Variants in PPIL2 observed in about 807,000 individuals in gnomAD.
PPIL2 encodes the protein peptidylprolyl isomerase like 2.
Under a neutral mutation model 75.2 loss-of-function variants are expected in PPIL2, and 50 were observed. The observed-to-expected ratio is 0.66, with a 90% CI of 0.53 to 0.84. The LOEUF (loss-of-function observed/expected upper bound fraction) is 0.84. PPIL2 is among the 40% of genes least tolerant of loss of function. The pLI is 0.00. For missense variants in PPIL2, 590 were observed against 685.0 expected, an observed-to-expected ratio of 0.86 and a Z score of 1.55; for synonymous variants, 245 against 258.8, an observed-to-expected ratio of 0.95 and a Z score of 0.51.
At chr22:21,693,775 A>C in intron 15 of PPIL2, 41 bp from the exon 16 acceptor site, 1 of 1,520,064 alleles carries the variant, frequency 6.6e-7, no homozygotes, top group Non-Finnish European at 9.1e-7. Flanking sequence ...CAGGTGCAGA[A>C]GGTGCCATGC....
Position 21,695,605 on chromosome 22 carries a change from C to A in PPIL2, c.*115C>A. On this transcript the variant is annotated 3_prime_UTR_variant, in exon 20 of 20. Transcript: ENST00000398831. ...CTGCTGCCAGCCAATAAATTGCTTGCCTGCTGCCTGCATCCCCTTTCCTGG... is the reference window on the plus strand; with the variant it reads ...CTGCTGCCAGCCAATAAATTGCTTGACTGCTGCCTGCATCCCCTTTCCTGG... The A allele has an allele frequency of 6.6e-7, 1 of 1,506,574 alleles. No individual in the cohort carries two copies. The highest frequency in any genetic ancestry group is 8.9e-7 in the Non-Finnish European group (1 of 1,124,568). 93.3% of individuals were successfully genotyped at this position (1,506,574 alleles called of 1,614,324 possible).
At chr22:21,689,830 A>C (rs970298095) in intron 15 of PPIL2, among the ~76,000 whole-genome samples, 1 of 152,160 alleles carries the variant, frequency 6.6e-6, no homozygotes, top group African/African-American at 2.4e-5. Flanking sequence ...GTTAGCATCT[A>C]CTATGATGAT....
chr22:21,696,574 C>G lies in PPIL2; in HGVS notation c.*1084C>G. On this transcript the variant is annotated 3_prime_UTR_variant, in exon 20 of 20. Transcript: ENST00000398831. ...GCTGGCTTTTTCTTCGTCTTCAGCC[C>G]AGGCCAGTGGTCAGTGTTCTCATGT... 1.4e-6 allele frequency: 2 copies of G among 1,418,980 alleles called. No individual in the cohort carries two copies. Among genetic ancestry groups the G allele is most frequent in the Non-Finnish European group, 1.8e-6 (2 of 1,087,986 alleles). The allele number at this position is 1,418,980 out of a possible 1,614,324, so 87.9% of individuals were successfully genotyped here. A position where few individuals can be genotyped will look rare whatever the true frequency, so the allele number is the denominator to read the frequency against.
intron 1 of PPIL2, among the ~76,000 whole-genome samples, chr22:21,666,378 G>T (rs1413453212): frequency 2.0e-5 from 3 of 152,158 alleles, no homozygotes; most frequent in African/African-American, 7.2e-5. Flanking sequence ...TCCTTACTCT[G>T]GTTCTGCCCG....
chr22:21,687,117 C>A, intron 12 of PPIL2, 119 bp downstream of exon 12: 2 of 982,106 alleles, frequency 2.0e-6, no homozygotes, highest in Non-Finnish European at 3.1e-6. Context: ...TTCAGCCTGT[C>A]ACTAGGCGGG....
chr22:21,676,243 AGTGT>A (rs36131221), intron 6 of PPIL2, among the ~76,000 whole-genome samples: 5,489 of 130,484 alleles, frequency 0.042, 265 homozygotes, highest in African/African-American at 0.13. Context: ...TGTGATCAGC[AGTGT>A]GTGTGTGTGT....
At chr22:21,684,715 G>C (rs767649360) in intron 9 of PPIL2, 38 bp from the exon 10 acceptor site, 3 of 1,607,170 alleles carry the variant, frequency 1.9e-6, no homozygotes, top group African/African-American at 2.7e-5. Flanking sequence ...GAGGCTACTG[G>C]GGGCTCGGCG....
At chr22:21,687,550 C>CAA (rs36108489) in intron 12 of PPIL2, 93 bp from the exon 13 acceptor site, 9,629 of 303,314 alleles carry the variant, frequency 0.032, 67 homozygotes, top group South Asian at 0.046. Context: ...GACTCCACCT[C>CAA]AAAAAAAAAA....
At chr22:21,674,574 G>A (rs561937036) in intron 5 of PPIL2, among the ~76,000 whole-genome samples, 1 of 152,232 alleles carries the variant, frequency 6.6e-6, no homozygotes, top group East Asian at 1.9e-4. Context: ...GGTGGCGTGT[G>A]TCTGTAGTCC....
chr22:21,682,554 G>C lies in PPIL2; in HGVS notation c.477+28G>C, dbSNP rs1447185539. The C allele has an allele frequency of 1.9e-6, 3 of 1,587,246 alleles. No individual in the cohort carries two copies. In the East Asian group the frequency reaches 6.7e-5, roughly 36 times the overall value. On this transcript the variant is annotated intron_variant, in intron 8 of 19. Coordinates refer to ENST00000398831, the MANE Select transcript of PPIL2 (RefSeq NM_014337.4). ...GAGTGTCCCCTGCCTGCCTGCCCCAGCTGCCTTCAGCACCTGCAGCCAGCC... is the reference window on the plus strand; with the variant it reads ...GAGTGTCCCCTGCCTGCCTGCCCCACCTGCCTTCAGCACCTGCAGCCAGCC...
rs558080959 is a variant in PPIL2, at chr22:21,680,090, C to CA, written c.296-1194dup. 7.6e-3 allele frequency among the ~76,000 whole-genome samples: 937 copies of CA among 122,926 alleles called. 3 individuals carry two copies. The highest frequency in any genetic ancestry group is 0.017 in the African/African-American group (574 of 33,118). The allele number at this position is 122,926 out of a possible 152,430, so 80.6% of individuals were successfully genotyped here. On this transcript the variant is annotated intron_variant, in intron 6 of 19. Coordinates refer to ENST00000398831, the MANE Select transcript of PPIL2 (RefSeq NM_014337.4). ...CCTGGGCAACGGCAAGACTCTGTCTCAAAAAAAAAAAAAAAGAAAAAGTCC... is the reference window on the plus strand; with the variant it reads ...CCTGGGCAACGGCAAGACTCTGTCTCAAAAAAAAAAAAAAAAGAAAAAGTCC...
intron 6 of PPIL2, among the ~76,000 whole-genome samples, chr22:21,679,797 T>C (rs2067028726): frequency 6.6e-6 from 1 of 151,364 alleles, no homozygotes; most frequent in African/African-American, 2.4e-5. Flanking sequence ...TAAGAAAAAG[T>C]CCCCACAAGG....
intron 5 of PPIL2, 108 bp from the exon 6 acceptor site, chr22:21,674,956 C>T (rs576754277): frequency 2.0e-6 from 2 of 989,230 alleles, no homozygotes; most frequent in African/African-American, 1.6e-5. Flanking sequence ...TCCAGAGCTG[C>T]ACAGGGTTGG....
intron 13 of PPIL2, 95 bp from the exon 14 acceptor site, chr22:21,687,978 T>A (rs1336428307): frequency 6.7e-7 from 1 of 1,499,164 alleles, no homozygotes; most frequent in Non-Finnish European, 9.3e-7. Flanking sequence ...AGCCCCTGTG[T>A]GGAGCCATCT....
Position 21,695,727 on chromosome 22 carries a change from C to A in PPIL2, c.*237C>A. The A allele has an allele frequency of 7.5e-7, 1 of 1,341,032 alleles. No individual in the cohort carries two copies. Among genetic ancestry groups the A allele is most frequent in the East Asian group, 3.2e-5 (1 of 31,674 alleles). 83.1% of individuals were successfully genotyped at this position (1,341,032 alleles called of 1,614,324 possible). A position where few individuals can be genotyped will look rare whatever the true frequency, so the allele number is the denominator to read the frequency against. On this transcript the variant is annotated 3_prime_UTR_variant, in exon 20 of 20. Transcript: ENST00000398831. Reference sequence around the variant, plus strand: ...GCCCAGCCAGAGCCCACTGCTGGGACCTTCAAGCACAAGGCCTGCCCTACA... The same window carrying A: ...GCCCAGCCAGAGCCCACTGCTGGGAACTTCAAGCACAAGGCCTGCCCTACA...
At chr22:21,679,915 G>A (rs1448429231) in intron 6 of PPIL2, among the ~76,000 whole-genome samples, 17 of 151,216 alleles carry the variant, frequency 1.1e-4, no homozygotes, top group African/African-American at 3.7e-4. Flanking sequence ...GTGAAACCCC[G>A]TCTCTACTAA....
At chr22:21,697,963 A>AT (rs2068003294), downstream of PPIL2, 4 of 152,474 alleles carry the variant, frequency 2.6e-5, no homozygotes, top group South Asian at 8.3e-4. Context: ...GCATTAAGGT[A>AT]TAAAAAATAC....
chr22:21,666,760 G>T (rs968776252), intron 1 of PPIL2, among the ~76,000 whole-genome samples: 3 of 152,172 alleles, frequency 2.0e-5, no homozygotes, highest in African/African-American at 7.2e-5. Context: ...GGTGAGCCGA[G>T]ATCGTGTCAC....
intron 6 of PPIL2, among the ~76,000 whole-genome samples, chr22:21,677,024 C>T (rs1295738974): frequency 6.1e-5 from 9 of 148,722 alleles, no homozygotes; most frequent in South Asian, 4.3e-4. Context: ...GCTGGCCGGG[C>T]GGGGGCTGCC....
Sources: allele counts gnomAD v4.1 joint callset (sites outside exome capture counted in the v4.1 genomes callset), GRCh38; gene constraint gnomAD v4.1.1; transcripts MANE v1.5; gene names NCBI Gene and HGNC (gene_info 2026-07-23, HGNC 2026-07-21).